The following CRTAC1 variants were observed in gnomAD, a reference collection of about 807,000 sequenced individuals.
The protein encoded by CRTAC1 is cartilage acidic protein 1.
Under a neutral mutation model 67.8 loss-of-function variants are expected in CRTAC1, and 37 were observed. The ratio of observed to expected loss-of-function variants is 0.55; its 90% CI spans 0.42 to 0.72. The LOEUF (loss-of-function observed/expected upper bound fraction) is 0.72, where lower values mean the gene tolerates loss of function less well. CRTAC1 is among the 30% of genes least tolerant of loss of function. CRTAC1 has a pLI of 0.00. For missense variants in CRTAC1, 780 were observed against 931.6 expected (o/e 0.84, Z 2.12); for synonymous variants, 348 against 371.0 (o/e 0.94, Z 0.71).
At chr10:98,008,147 A>G (rs1013964430) in intron 2 of CRTAC1, among the ~76,000 whole-genome samples, 5 of 152,076 alleles carry the variant, frequency 3.3e-5, no homozygotes, top group Non-Finnish European at 5.9e-5. Context: ...TCCCAAACAG[A>G]CCCAGGCCAG....
Position 97,865,391 on chromosome 10 carries a change from C to T in CRTAC1, c.*157G>A, listed in dbSNP as rs2050007597. On this transcript the variant is annotated 3_prime_UTR_variant, in exon 15 of 15. Coordinates refer to ENST00000370597, the MANE Select transcript of CRTAC1 (RefSeq NM_018058.7). ...GTGCCCAGCACAGGGCCTGGCCTTA[C>T]GAGTCTCCCTAATTGTTAGCTAAGT... 3.4e-6 allele frequency: 3 copies of T among 887,406 alleles called. No homozygotes were observed. Among genetic ancestry groups the T allele is most frequent in the South Asian group, 2.1e-5 (1 of 47,904 alleles). The allele number at this position is 887,406 out of a possible 1,614,324, so 55.0% of individuals were successfully genotyped here.
intron 1 of CRTAC1, among the ~76,000 whole-genome samples, chr10:98,028,433 C>A (rs1843285036): frequency 6.6e-6 from 1 of 152,186 alleles, no homozygotes; most frequent in Admixed American, 6.5e-5. Flanking sequence ...AGCAAGGGAG[C>A]GCTTGAGCAT....
In CRTAC1 at chr10:97,936,298, T is replaced by C; in HGVS notation, c.293A>G (p.Asp98Gly). Reference sequence around the variant, plus strand: ...CGCGTAGTAGGGTGAGCTGCGCTCATCGACCGCGATGTTCACCAGCCGCTT... The same window carrying C: ...CGCGTAGTAGGGTGAGCTGCGCTCACCGACCGCGATGTTCACCAGCCGCTT... ...AQKRLVNIAV[D>G]ERSSPYYALR... The change falls in exon 3 of 15, where the codon GAT becomes GGT. Residue 98 changes from aspartate (D) to glycine (G), a missense_variant. Asp to Gly is a moderately conservative substitution (Grantham distance 94). Transcript: ENST00000370597. 1.2e-6 allele frequency: 2 copies of C among 1,613,850 alleles called. No individual in the cohort carries two copies. Among genetic ancestry groups the C allele is most frequent in the Non-Finnish European group, 1.7e-6 (2 of 1,179,758 alleles).
chr10:97,980,117 T>G (rs1026509105), intron 2 of CRTAC1, among the ~76,000 whole-genome samples: 1 of 152,188 alleles, frequency 6.6e-6, no homozygotes, highest in Non-Finnish European at 1.5e-5. Context: ...CTTTGTTTGC[T>G]CATTCATAAA....
At chr10:97,917,226 G>A (rs2050771990) in intron 5 of CRTAC1, among the ~76,000 whole-genome samples, 1 of 152,194 alleles carries the variant, frequency 6.6e-6, no homozygotes, top group South Asian at 2.1e-4. Flanking sequence ...AAAATGATGT[G>A]GTGTTCTCAC....
chr10:98,009,673 T>C (rs1261452809), intron 2 of CRTAC1, among the ~76,000 whole-genome samples: 1 of 152,208 alleles, frequency 6.6e-6, no homozygotes, highest in Non-Finnish European at 1.5e-5. Flanking sequence ...ATGCAACTGC[T>C]GCAAATAATG....
chr10:97,946,838 G>A (rs2051272761), intron 2 of CRTAC1, among the ~76,000 whole-genome samples: 1 of 152,098 alleles, frequency 6.6e-6, no homozygotes, highest in Non-Finnish European at 1.5e-5. Context: ...ACAGAAATTG[G>A]AACAATGTTT....
chr10:98,027,804 C>T (rs958440824), intron 1 of CRTAC1, among the ~76,000 whole-genome samples: 18 of 152,166 alleles, frequency 1.2e-4, no homozygotes, highest in African/African-American at 4.3e-4. Context: ...ACTATGAGTG[C>T]CTACTGTATA....
At chr10:97,883,246 G>A (rs769280851) in intron 12 of CRTAC1, among the ~76,000 whole-genome samples, 10 of 152,234 alleles carry the variant, frequency 6.6e-5, no homozygotes, top group African/African-American at 1.2e-4. Flanking sequence ...GTGGGTGCCT[G>A]CAGCCATGCT....
chr10:97,918,060 C>G (rs2050785090), intron 4 of CRTAC1, among the ~76,000 whole-genome samples: 1 of 152,100 alleles, frequency 6.6e-6, no homozygotes, highest in African/African-American at 2.4e-5. Flanking sequence ...CCATTATTCT[C>G]AGTCTCTCTC....
intron 4 of CRTAC1, among the ~76,000 whole-genome samples, chr10:97,922,690 T>G (rs1365863681): frequency 1.3e-5 from 2 of 152,172 alleles, no homozygotes; most frequent in African/African-American, 2.4e-5. Flanking sequence ...CCAGTTTGGG[T>G]GGGGCACCTC....
intron 5 of CRTAC1, among the ~76,000 whole-genome samples, chr10:97,909,987 T>A (rs965396365): frequency 6.6e-6 from 1 of 151,818 alleles, no homozygotes; most frequent in Non-Finnish European, 1.5e-5. Context: ...CTCACTTATA[T>A]GTGGAATCTA....
chr10:97,950,166 C>T (rs1249570125), intron 2 of CRTAC1, among the ~76,000 whole-genome samples: 2 of 151,640 alleles, frequency 1.3e-5, no homozygotes, highest in African/African-American at 4.8e-5. Context: ...CAATATTTGT[C>T]TTACCCCAAG....
chr10:97,895,140 G>A lies in CRTAC1; in HGVS notation c.1486+105C>T. ...CCAGTAGCTGGTGTCCACCATGGCT[G>A]TCACAGTAGAGCGGAGCGGTGCCCA... On this transcript the variant is annotated intron_variant, in intron 11 of 14. Transcript: ENST00000370597. The surrounding 1 kb of genome is among the most constrained non-coding windows in gnomAD (Gnocchi z 4.2). 1 of 1,143,182 alleles carries A rather than the reference G, an allele frequency of 8.7e-7. No individual in the cohort carries two copies. Among genetic ancestry groups the A allele is most frequent in the Non-Finnish European group, 1.2e-6 (1 of 806,674 alleles). The allele number at this position is 1,143,182 out of a possible 1,614,324, so 70.8% of individuals were successfully genotyped here.
At chr10:97,935,227 A>G (rs1214476036) in intron 3 of CRTAC1, among the ~76,000 whole-genome samples, 1 of 152,192 alleles carries the variant, frequency 6.6e-6, no homozygotes. Flanking sequence ...AGTTTCCTCA[A>G]TTGTACAGTG....
At position 97,884,299 on chromosome 10, in the gene CRTAC1, C is replaced by T; in HGVS notation, c.1539G>A (p.Val513=). 4 of 1,554,082 alleles carry T rather than the reference C, an allele frequency of 2.6e-6. No homozygotes were observed. Among genetic ancestry groups the T allele is most frequent in the Non-Finnish European group, 3.5e-6 (4 of 1,148,318 alleles). ...VEVTWPDGKM[V]SRNVASGEMN... Reference sequence around the variant, plus strand: ...TCTCCCCGCTGGCCACGTTCCGGCTCACCATCTTGCCATCTGGCCACGTCA... The same window carrying T: ...TCTCCCCGCTGGCCACGTTCCGGCTTACCATCTTGCCATCTGGCCACGTCA... Residue 513 remains valine (V), a synonymous_variant, in exon 12 of 15, where the codon GTG becomes GTA. Transcript: ENST00000370597.
At chr10:97,879,855 GGGGAC>G in intron 14 of CRTAC1, 6 of 1,238,380 alleles carry the variant, frequency 4.8e-6, no homozygotes, top group Non-Finnish European at 4.5e-6. Flanking sequence ...GAAAGGGGGT[GGGGAC>G]GGGGTGGGGG....
At chr10:97,883,800 AG>A (rs770558716) in intron 12 of CRTAC1, among the ~76,000 whole-genome samples, 6 of 152,210 alleles carry the variant, frequency 3.9e-5, no homozygotes, top group Non-Finnish European at 8.8e-5. Context: ...GCAGGCTCTG[AG>A]CCCCACCCTA....
In CRTAC1 at chr10:97,943,712, G is replaced by T. The variant is rs534513986; in HGVS notation, c.225-7346C>A. Among the ~76,000 whole-genome samples, 10 of 152,336 alleles carry T rather than the reference G, an allele frequency of 6.6e-5. No homozygotes were observed. The South Asian group carries it at 2.1e-3, about 32-fold the overall frequency. The stretch of plus-strand genomic sequence containing the variant: ...CAAACTATGGCCTGTGGGCCAAATG[G>T]TCTGCTTCCATTTTCGTAAATATGG... On this transcript the variant is annotated intron_variant, in intron 2 of 14. Transcript: ENST00000370597.
Sources: gnomAD v4.1 joint callset for allele counts (sites outside exome capture counted in the v4.1 genomes callset) on GRCh38, gnomAD v4.1.1 for gene constraint, Gnocchi (gnomAD v3.1) non-coding constraint, MANE v1.5 for transcripts, NCBI Gene and HGNC (gene_info 2026-07-23, HGNC 2026-07-21) for gene names.